The following PCED1B variants were observed in gnomAD, a reference collection of about 807,000 sequenced individuals.
PCED1B encodes PC-esterase domain containing 1B, also known as PC-esterase domain-containing protein 1B.
For synonymous variants in PCED1B, 251 were observed against 246.1 expected (o/e 1.02, Z -0.19); for missense variants, 573 against 573.9 (o/e 1.00, Z 0.02).
At chr12:47,095,023 C>T (rs898469325) in intron 1 of PCED1B, among the ~76,000 whole-genome samples, 4 of 151,016 alleles carry the variant, frequency 2.6e-5, no homozygotes, top group Admixed American at 6.6e-5. Flanking sequence ...CCTCCCACCT[C>T]GGCTTCCTGA....
chr12:47,217,448 GAA>G (rs1207399501), intron 3 of PCED1B, among the ~76,000 whole-genome samples: 2 of 47,362 alleles, frequency 4.2e-5, no homozygotes, highest in African/African-American at 2.0e-4. Context: ...AAGAAAGAAA[GAA>G]AGAAAGAAAA....
intron 2 of PCED1B, among the ~76,000 whole-genome samples, chr12:47,152,283 C>T (rs969452536): frequency 2.0e-5 from 3 of 152,092 alleles, no homozygotes; most frequent in Non-Finnish European, 4.4e-5. Flanking sequence ...ACCACATTAA[C>T]CAAAGTCAAT....
At chr12:47,125,960 C>G (rs1939871570) in intron 2 of PCED1B, among the ~76,000 whole-genome samples, 1 of 151,888 alleles carries the variant, frequency 6.6e-6, no homozygotes, top group African/African-American at 2.4e-5. Flanking sequence ...AATTTTATTT[C>G]TTCCTTTCCA....
chr12:47,102,340 C>CT, intron 1 of PCED1B, among the ~76,000 whole-genome samples: 1 of 152,310 alleles, frequency 6.6e-6, no homozygotes, highest in South Asian at 2.1e-4. Flanking sequence ...GGCTTTGCTA[C>CT]TTTTTTGCAG....
chr12:47,169,467 T>C (rs886487258), intron 2 of PCED1B, among the ~76,000 whole-genome samples: 1 of 152,202 alleles, frequency 6.6e-6, no homozygotes, highest in African/African-American at 2.4e-5. Context: ...TATGGCAAGC[T>C]GCCATATTTT....
At chr12:47,160,005 C>T (rs1413064214) in intron 2 of PCED1B, among the ~76,000 whole-genome samples, 1 of 152,146 alleles carries the variant, frequency 6.6e-6, no homozygotes, top group Non-Finnish European at 1.5e-5. Flanking sequence ...GTCCTTTCCT[C>T]AGTGTATGTT....
At chr12:47,168,725 T>G (rs1382037106) in intron 2 of PCED1B, among the ~76,000 whole-genome samples, 1 of 152,196 alleles carries the variant, frequency 6.6e-6, no homozygotes, top group Non-Finnish European at 1.5e-5. Flanking sequence ...TTGAAATAAT[T>G]TTGAATTTTG....
At chr12:47,087,279 T>G (rs897159099) in intron 1 of PCED1B, among the ~76,000 whole-genome samples, 4 of 152,224 alleles carry the variant, frequency 2.6e-5, no homozygotes, top group African/African-American at 7.2e-5. Flanking sequence ...CATTTAATTC[T>G]TATAAAGGGC....
intron 2 of PCED1B, among the ~76,000 whole-genome samples, chr12:47,153,923 A>G (rs1941098409): frequency 6.6e-6 from 1 of 152,198 alleles, no homozygotes. Context: ...TAGATAGTCT[A>G]CAATCTCTGC....
intron 2 of PCED1B, among the ~76,000 whole-genome samples, chr12:47,117,328 C>T (rs1348853789): frequency 1.3e-5 from 2 of 152,140 alleles, no homozygotes; most frequent in Admixed American, 1.3e-4. Context: ...GGTGTATCTC[C>T]TAATGCTATC....
chr12:47,087,703 T>TA (rs1938055347), intron 1 of PCED1B, among the ~76,000 whole-genome samples: 1 of 152,236 alleles, frequency 6.6e-6, no homozygotes, highest in African/African-American at 2.4e-5. Flanking sequence ...TTTTAGATCT[T>TA]ACTCATTTTG....
chr12:47,230,728 C>T (rs572998006), intron 3 of PCED1B, among the ~76,000 whole-genome samples: 167 of 152,310 alleles, frequency 1.1e-3, no homozygotes, highest in African/African-American at 3.8e-3. Flanking sequence ...AGGCGTGAGC[C>T]TCCTCGCCTG....
At chr12:47,186,474 G>T in intron 2 of PCED1B, among the ~76,000 whole-genome samples, 1 of 152,166 alleles carries the variant, frequency 6.6e-6, no homozygotes, top group Non-Finnish European at 1.5e-5. Context: ...TACTGGTAGG[G>T]GGGTAGAGGG....
intron 2 of PCED1B, among the ~76,000 whole-genome samples, chr12:47,190,450 C>A (rs148561180): frequency 3.9e-5 from 6 of 152,344 alleles, no homozygotes; most frequent in Non-Finnish European, 5.9e-5. Context: ...CTCCAGCTCC[C>A]TGCAGGTTAA....
chr12:47,124,522 T>G (rs78403230), intron 2 of PCED1B, among the ~76,000 whole-genome samples: 1 of 148,712 alleles, frequency 6.7e-6, no homozygotes, highest in Non-Finnish European at 1.5e-5. Context: ...TTTTTTTTTT[T>G]TGTATACAAT....
chr12:47,176,822 G>A (rs1298558346), intron 2 of PCED1B, among the ~76,000 whole-genome samples: 1 of 151,620 alleles, frequency 6.6e-6, no homozygotes, highest in African/African-American at 2.4e-5. Context: ...TATTTCCAAT[G>A]TCAACTGGTG....
intron 1 of PCED1B, among the ~76,000 whole-genome samples, chr12:47,101,717 C>T (rs922489135): frequency 9.2e-5 from 14 of 152,050 alleles, no homozygotes; most frequent in Admixed American, 8.5e-4. Context: ...GAGGCTGAGA[C>T]GGCCGGATCA....
intron 2 of PCED1B, among the ~76,000 whole-genome samples, chr12:47,182,030 A>G (rs1942111216): frequency 6.6e-6 from 1 of 152,216 alleles, no homozygotes; most frequent in Non-Finnish European, 1.5e-5. Flanking sequence ...TGAAGTCACA[A>G]ACAGTTCTGT....
chr12:47,131,321 C>T lies in PCED1B; in HGVS notation c.-526+27126C>T, dbSNP rs867643245. Among the ~76,000 whole-genome samples, 23 of 152,344 alleles carry T rather than the reference C, an allele frequency of 1.5e-4. 1 individual carries two copies. Among genetic ancestry groups the T allele is most frequent in the Middle Eastern group, 3.4e-3 (1 of 294 alleles). On this transcript the variant is annotated intron_variant, in intron 2 of 3. Transcript: ENST00000546455. ...GACCTCAGAATGCCCCCAAAACGCC[C>T]TCCTTAATCAATACAAGAACCTTTG...
Sources: gnomAD v4.1 joint callset for allele counts (sites outside exome capture counted in the v4.1 genomes callset) on GRCh38, gnomAD v4.1.1 for gene constraint, MANE v1.5 for transcripts, NCBI Gene and HGNC (gene_info 2026-07-23, HGNC 2026-07-21) for gene names.